The following FRMPD2 variants were observed in gnomAD, a reference collection of about 807,000 sequenced individuals.
FRMPD2 encodes the protein FERM and PDZ domain-containing protein 2.
A neutral mutation model predicts 140.1 loss-of-function variants in FRMPD2; 96 were observed. That is an observed-to-expected ratio of 0.69 (90% CI 0.58 to 0.81). The LOEUF (loss-of-function observed/expected upper bound fraction) is 0.81. Among genes scored for constraint, FRMPD2 ranks in the 40% least tolerant of loss-of-function variants. The probability of loss-of-function intolerance (pLI) is 0.00; values close to 1 mark genes in which losing one functional copy is unlikely to be tolerated. For synonymous variants in FRMPD2, 449 were observed against 547.6 expected (o/e 0.82, Z 2.52); for missense variants, 1,240 against 1,447.4 (o/e 0.86, Z 2.32).
intron 1 of FRMPD2, 54 bp from the exon 2 acceptor site, chr10:48,251,745 C>A (rs12247274): frequency 3.7e-6 from 6 of 1,600,804 alleles, no homozygotes; most frequent in Non-Finnish European, 5.1e-6. Context: ...GGAACATGTC[C>A]GGGCCCGTAC....
intron 1 of FRMPD2, among the ~76,000 whole-genome samples, chr10:48,257,511 C>T (rs941091882): frequency 2.0e-5 from 3 of 152,104 alleles, no homozygotes; most frequent in African/African-American, 7.2e-5. Flanking sequence ...AACTCCTCAC[C>T]TCAAGTGATC....
chr10:48,160,641 C>G (rs573088016), intron 28 of FRMPD2, among the ~76,000 whole-genome samples: 1 of 127,066 alleles, frequency 7.9e-6, no homozygotes, highest in Admixed American at 7.8e-5. Flanking sequence ...AACGCTGAAA[C>G]CACATAATAG....
At chr10:48,272,661 G>A (rs1279001510) in intron 1 of FRMPD2, among the ~76,000 whole-genome samples, 1 of 152,172 alleles carries the variant, frequency 6.6e-6, no homozygotes, top group Non-Finnish European at 1.5e-5. Flanking sequence ...TTGGTTTGCT[G>A]TTTTTTCATT....
chr10:48,192,577 C>G, intron 16 of FRMPD2, 107 bp downstream of exon 16: 5 of 1,042,006 alleles, frequency 4.8e-6, no homozygotes, highest in Non-Finnish European at 7.0e-6. Context: ...GCAACAAGAG[C>G]AAAACTCAGT....
chr10:48,264,565 A>C (rs1245032989), intron 1 of FRMPD2, among the ~76,000 whole-genome samples: 1 of 152,124 alleles, frequency 6.6e-6, no homozygotes, highest in Non-Finnish European at 1.5e-5. Context: ...AGTATGTAGA[A>C]ATAAACCTAA....
intron 12 of FRMPD2, among the ~76,000 whole-genome samples, chr10:48,221,142 A>G (rs1373442558): frequency 6.6e-6 from 1 of 152,234 alleles, no homozygotes. Flanking sequence ...TTGCACACGC[A>G]TGTTTATAGC....
At position 48,249,149 on chromosome 10, in the gene FRMPD2, A is replaced by C; in HGVS notation, c.181T>G (p.Ser61Ala). The change falls in exon 3 of 29, where the codon TCA becomes GCA. Residue 61 changes from serine to alanine, a missense_variant. Coordinates refer to ENST00000374201, the MANE Select transcript of FRMPD2 (RefSeq NM_001018071.4). The part of the protein sequence containing the change: ...DSSDYVVCPW[S>A]ALLSAAGSLS... ...CTTCCAGCTGCAGAAAGCAGGGCTG[A>C]CCAGGGGCAAACCACATAGTCCGAG... 6.2e-7 allele frequency: 1 copy of C among 1,614,112 alleles called. No homozygotes were observed. Among genetic ancestry groups the C allele is most frequent in the Non-Finnish European group, 8.5e-7 (1 of 1,180,000 alleles).
intron 27 of FRMPD2, among the ~76,000 whole-genome samples, chr10:48,165,305 CTCT>C (rs1838068817): frequency 7.0e-6 from 1 of 142,348 alleles, no homozygotes; most frequent in African/African-American, 2.7e-5. Context: ...CAGATGAGAA[CTCT>C]TCATCTTCCC....
chr10:48,177,177 G>A (rs1380573778), intron 22 of FRMPD2: 1 of 148,112 alleles, frequency 6.8e-6, no homozygotes, highest in African/African-American at 2.5e-5. Flanking sequence ...TTGTGATCTC[G>A]GCTCACTGCA....
intron 27 of FRMPD2, among the ~76,000 whole-genome samples, chr10:48,164,028 A>G (rs1838025978): frequency 6.6e-6 from 1 of 151,112 alleles, no homozygotes; most frequent in Non-Finnish European, 1.5e-5. Flanking sequence ...TTCATCTGTC[A>G]TCTCAGGGCT....
At chr10:48,265,163 C>A (rs554915544) in intron 1 of FRMPD2, among the ~76,000 whole-genome samples, 16 of 152,206 alleles carry the variant, frequency 1.1e-4, no homozygotes, top group African/African-American at 3.6e-4. Flanking sequence ...TAGCCATATG[C>A]AGAAGATTAA....
intron 13 of FRMPD2, among the ~76,000 whole-genome samples, chr10:48,210,035 G>C (rs1352545207): frequency 2.0e-5 from 3 of 152,112 alleles, no homozygotes; most frequent in Non-Finnish European, 4.4e-5. Flanking sequence ...TGAATGCACA[G>C]AACAAAGAGA....
intron 25 of FRMPD2, among the ~76,000 whole-genome samples, chr10:48,172,674 T>C (rs1457277054): frequency 2.0e-5 from 3 of 151,646 alleles, no homozygotes; most frequent in African/African-American, 7.3e-5. Context: ...CACACAAACA[T>C]TAACATTCTG....
chr10:48,213,654 T>A (rs1428586992), intron 12 of FRMPD2, among the ~76,000 whole-genome samples: 2 of 151,596 alleles, frequency 1.3e-5, no homozygotes, highest in Non-Finnish European at 2.9e-5. Context: ...AAAAAAAAAA[T>A]GAGCTGTCAA....
At chr10:48,221,719 G>C (rs773799204) in intron 12 of FRMPD2, among the ~76,000 whole-genome samples, 1 of 152,204 alleles carries the variant, frequency 6.6e-6, no homozygotes, top group African/African-American at 2.4e-5. Context: ...ACTAGAACTA[G>C]ACTAGAACTA....
In FRMPD2 at chr10:48,187,175, C is replaced by T. The variant is rs188103401; in HGVS notation, c.2266+17G>A. On this transcript the variant is annotated intron_variant, in intron 17 of 28. Transcript: ENST00000374201. ...GGGGTTCCTCCACCCAAGACCTGGT[C>T]GTGGCCTGGCCCATACCTGCATGCA... 92 of 1,595,780 alleles carry T rather than the reference C, an allele frequency of 5.8e-5. 3 individuals carry two copies. In the South Asian group the frequency reaches 8.6e-4, roughly 15 times the overall value.
At position 48,187,194 on chromosome 10, in the gene FRMPD2, G is replaced by T. The variant is rs114243389; in HGVS notation, c.2264C>A (p.Ala755Glu). 21 of 1,612,066 alleles carry T rather than the reference G, an allele frequency of 1.3e-5. No individual in the cohort carries two copies. The highest frequency in any genetic ancestry group is 1.7e-5 in the Non-Finnish European group (20 of 1,178,494). The change falls in exon 17 of 29, where the codon GCA becomes GAA. Residue 755 changes from alanine (A) to glutamate (E), a missense_variant and splice_region_variant. This residue lies in a region of FRMPD2 where 1,161 missense variants were observed against 1,055.9 expected (regional missense o/e 1.10). Coordinates refer to ENST00000374201, the MANE Select transcript of FRMPD2 (RefSeq NM_001018071.4). ...CCTGGTCGTGGCCTGGCCCATACCT[G>T]CATGCATGCTCTGAACAGGTGGTCC... The part of the protein sequence containing the change: ...LSGPPVQSMH[A>E]GSKNNRRKSF...
At chr10:48,270,207 G>A (rs1311703527) in intron 1 of FRMPD2, among the ~76,000 whole-genome samples, 2 of 152,294 alleles carry the variant, frequency 1.3e-5, no homozygotes, top group East Asian at 1.9e-4. Context: ...GCTAGTGGAC[G>A]TGGTCTCGAG....
At chr10:48,230,079 T>G (rs1383293693) in intron 10 of FRMPD2, among the ~76,000 whole-genome samples, 1 of 152,194 alleles carries the variant, frequency 6.6e-6, no homozygotes, top group African/African-American at 2.4e-5. Context: ...TTTATAATTT[T>G]TACTTGAAAT....
Sources: gnomAD v4.1 joint callset for allele counts (sites outside exome capture counted in the v4.1 genomes callset) on GRCh38, gnomAD v4.1.1 for gene constraint, gnomAD v4.1.1 regional missense constraint, MANE v1.5 for transcripts, NCBI Gene and HGNC (gene_info 2026-07-23, HGNC 2026-07-21) for gene names.